OR51B5: variants seen among roughly 807,000 people sequenced by gnomAD.
OR51B5 encodes olfactory receptor family 51 subfamily B member 5, also known as olfactory receptor 51B5.
For missense variants in OR51B5, 456 were observed against 374.6 expected, an observed-to-expected ratio of 1.22 and a Z score of -1.79; for synonymous variants, 186 against 144.8, an observed-to-expected ratio of 1.28 and a Z score of -2.04.
chr11:5,450,401 G>T (rs138768996), intron 1 of OR51B5, among the ~76,000 whole-genome samples: 72 of 151,980 alleles, frequency 4.7e-4, no homozygotes, highest in Non-Finnish European at 8.5e-4. Context: ...ATAAATAAAT[G>T]AATTAATTAA....
intron 1 of OR51B5, chr11:5,390,375 A>T (rs1849777481): frequency 6.3e-7 from 1 of 1,590,962 alleles, no homozygotes; most frequent in African/African-American, 1.3e-5. Flanking sequence ...AAGGCCAGTA[A>T]ATGAGTCCTG....
At chr11:5,440,918 A>T in intron 1 of OR51B5, 1 of 1,613,878 alleles carries the variant, frequency 6.2e-7, no homozygotes, top group Non-Finnish European at 8.5e-7. Context: ...AGAGCCCATA[A>T]ATGTTGTTAA....
intron 1 of OR51B5, chr11:5,454,155 CGTTCTGTCAT>C: frequency 6.2e-7 from 1 of 1,614,166 alleles, no homozygotes; most frequent in Admixed American, 1.7e-5. Flanking sequence ...GCTCATTCTG[CGTTCTGTCAT>C]GGCCACTGCT....
At chr11:5,437,204 A>G (rs1850606355) in intron 1 of OR51B5, among the ~76,000 whole-genome samples, 1 of 152,164 alleles carries the variant, frequency 6.6e-6, no homozygotes, top group East Asian at 1.9e-4. Flanking sequence ...TCCAAACTTC[A>G]TAGCAACACC....
At chr11:5,453,268 T>C (rs770486529) in intron 1 of OR51B5, 8 of 390,302 alleles carry the variant, frequency 2.0e-5, no homozygotes, top group Non-Finnish European at 3.6e-5. Flanking sequence ...GAGGGAAATA[T>C]TAGCTCAGCC....
chr11:5,484,936 T>G (rs2133810832), intron 1 of OR51B5, among the ~76,000 whole-genome samples: 1 of 152,358 alleles, frequency 6.6e-6, no homozygotes. Context: ...TCAATATTCT[T>G]CATAGCTTTA....
intron 1 of OR51B5, among the ~76,000 whole-genome samples, chr11:5,459,553 T>TA (rs1851015090): frequency 6.6e-6 from 1 of 152,072 alleles, no homozygotes; most frequent in South Asian, 2.1e-4. Context: ...TAAAAACCAT[T>TA]AAAAAGTGGG....
At chr11:5,432,585 T>G (rs1461436281) in intron 1 of OR51B5, among the ~76,000 whole-genome samples, 1 of 152,232 alleles carries the variant, frequency 6.6e-6, no homozygotes, top group Non-Finnish European at 1.5e-5. Context: ...TTCAAATTAC[T>G]GAACATGTGA....
At chr11:5,371,952 C>T (rs1849454505) in intron 1 of OR51B5, among the ~76,000 whole-genome samples, 1 of 151,998 alleles carries the variant, frequency 6.6e-6, no homozygotes, top group Non-Finnish European at 1.5e-5. Context: ...TGCATTTGAC[C>T]TTATTTTTCT....
In OR51B5 at chr11:5,466,650, G is replaced by A. The variant is rs558398943; in HGVS notation, n.84+38919C>T. Among the ~76,000 whole-genome samples the A allele has an allele frequency of 1.8e-4, 28 of 152,102 alleles. No individual in the cohort carries two copies. The South Asian group carries it at 5.8e-3, about 32-fold the overall frequency. On this transcript the variant is annotated intron_variant and non_coding_transcript_variant, in intron 1 of 4. Transcript: ENST00000415970. ...TAGAATTAGCACATATCTCTTTTTT[G>A]TCTCTCTATATAAGTAAGTATAGCT... is the stretch of plus-strand genomic sequence containing the variant.
chr11:5,394,626 C>CT (rs1005686172), intron 1 of OR51B5, among the ~76,000 whole-genome samples: 1 of 152,116 alleles, frequency 6.6e-6, no homozygotes, highest in Admixed American at 6.5e-5. Context: ...TTATGTTTTG[C>CT]TTTGTGACAA....
At chr11:5,342,519 C>G, downstream of OR51B5, 1 of 1,510,578 alleles carries the variant, frequency 6.6e-7, no homozygotes, top group Non-Finnish European at 8.8e-7. Context: ...AGATATGAGA[C>G]TTCTTTGCTC....
chr11:5,444,912 T>G (rs951401360), intron 1 of OR51B5, among the ~76,000 whole-genome samples: 1 of 152,212 alleles, frequency 6.6e-6, no homozygotes, highest in Non-Finnish European at 1.5e-5. Flanking sequence ...GTAAACACAC[T>G]GCATACATGT....
chr11:5,394,121 T>G (rs1849834973), intron 1 of OR51B5, among the ~76,000 whole-genome samples: 1 of 152,154 alleles, frequency 6.6e-6, no homozygotes, highest in Non-Finnish European at 1.5e-5. Context: ...AAAAACTCAG[T>G]AGAAGGTACT....
intron 1 of OR51B5, among the ~76,000 whole-genome samples, chr11:5,504,156 T>C (rs1186936429): frequency 1.3e-5 from 2 of 152,080 alleles, no homozygotes; most frequent in African/African-American, 2.4e-5. Context: ...AAAAAAAATA[T>C]GGGCATGTGT....
chr11:5,390,382 C>T, intron 1 of OR51B5: 1 of 1,581,712 alleles, frequency 6.3e-7, no homozygotes, highest in Non-Finnish European at 8.6e-7. Flanking sequence ...GTAAATGAGT[C>T]CTGGGGCTAA....
At chr11:5,389,798 C>A (rs74683499) in intron 1 of OR51B5, 1 of 1,613,740 alleles carries the variant, frequency 6.2e-7, no homozygotes, top group Non-Finnish European at 8.5e-7. Context: ...GTCCTTTGAC[C>A]GCCTTGTGGC....
At chr11:5,395,485 G>T (rs1464808558) in intron 1 of OR51B5, among the ~76,000 whole-genome samples, 2 of 152,170 alleles carry the variant, frequency 1.3e-5, no homozygotes, top group Non-Finnish European at 2.9e-5. Context: ...TAGGGCTGCT[G>T]TTCTATCATA....
rs377064470 is a variant in OR51B5 at position 5,364,716 on chromosome 11, T to C, written n.85-17806A>G. ...CTCTAAGCTGTTTGCCCATCCAGCA[T>C]ATGACAGAAGACTCTTCAAAGTGAA... On this transcript the variant is annotated intron_variant and non_coding_transcript_variant, in intron 1 of 4. Transcript: ENST00000415970. Among the ~76,000 whole-genome samples the C allele has an allele frequency of 1.2e-3, 177 of 152,278 alleles. 2 individuals are homozygous for C. The highest frequency in any genetic ancestry group is 4.0e-3 in the African/African-American group (167 of 41,554).
Sources: gnomAD v4.1 joint callset for allele counts (sites outside exome capture counted in the v4.1 genomes callset) on GRCh38, gnomAD v4.1.1 for gene constraint, MANE v1.5 for transcripts, NCBI Gene and HGNC (gene_info 2026-07-23, HGNC 2026-07-21) for gene names.